Variants in CEP128 observed in about 807,000 individuals in gnomAD.
The protein encoded by CEP128 is centrosomal protein 128.
In CEP128, 132 loss-of-function variants were observed where a neutral mutation model predicts 156.7. The ratio of observed to expected loss-of-function variants is 0.84; its 90% CI spans 0.73 to 0.97. CEP128 has a LOEUF of 0.97. CEP128 is among the 50% of genes least tolerant of loss of function. CEP128 has a pLI of 0.00. For synonymous variants in CEP128, 469 were observed against 448.9 expected (o/e 1.04, Z -0.57); for missense variants, 1,252 against 1,281.9 (o/e 0.98, Z 0.36).
intron 19 of CEP128, among the ~76,000 whole-genome samples, chr14:80,712,705 C>G (rs958981399): frequency 3.9e-5 from 6 of 152,166 alleles, no homozygotes; most frequent in Admixed American, 3.3e-4. Context: ...AGCACTCTGG[C>G]AGCCTCATCA....
chr14:80,689,967 G>C (rs1896661433), intron 19 of CEP128, among the ~76,000 whole-genome samples: 1 of 152,066 alleles, frequency 6.6e-6, no homozygotes, highest in African/African-American at 2.4e-5. Flanking sequence ...CAGTAAATAA[G>C]TAGATCTGTG....
chr14:80,730,773 A>G (rs1348668850), intron 19 of CEP128, among the ~76,000 whole-genome samples: 3 of 152,210 alleles, frequency 2.0e-5, no homozygotes, highest in African/African-American at 7.2e-5. Context: ...GACTGGTTAG[A>G]AAGTAGTTAT....
upstream of CEP128, among the ~76,000 whole-genome samples, chr14:80,945,034 T>TA (rs1431091072): frequency 6.6e-6 from 1 of 152,102 alleles, no homozygotes; most frequent in Non-Finnish European, 1.5e-5. Flanking sequence ...CATGATGTAT[T>TA]AGTTTACTAG....
At chr14:80,557,476 T>C (rs920558881) in intron 21 of CEP128, among the ~76,000 whole-genome samples, 3 of 152,220 alleles carry the variant, frequency 2.0e-5, no homozygotes, top group Non-Finnish European at 2.9e-5. Context: ...ATCCAGGTCT[T>C]CAAACTCAAA....
At chr14:80,783,822 T>C (rs917859991) in intron 15 of CEP128, among the ~76,000 whole-genome samples, 6 of 152,274 alleles carry the variant, frequency 3.9e-5, no homozygotes, top group African/African-American at 1.4e-4. Context: ...ACAGCAATGA[T>C]GCATCTTATA....
chr14:80,567,310 G>A (rs1369719595), intron 20 of CEP128, among the ~76,000 whole-genome samples: 3 of 152,106 alleles, frequency 2.0e-5, no homozygotes, highest in South Asian at 4.1e-4. Context: ...GTATGTGTAC[G>A]GGTTTGTGGG....
At position 80,924,528 on chromosome 14, in the gene CEP128, CA is replaced by C. The variant is rs1885043622; in HGVS notation, c.-15-7967del. Among the ~76,000 whole-genome samples, 5 of 152,210 alleles carry C rather than the reference CA, an allele frequency of 3.3e-5. No homozygotes were observed. In the South Asian group the frequency reaches 1.0e-3, roughly 32 times the overall value. ...ATAAACGGTGAGCTAAGTAATACAA[CA>C]AAATCCTTGGGGAGTCAGGTTAGGA... On this transcript the variant is annotated intron_variant, in intron 2 of 24. Coordinates refer to ENST00000555265, the MANE Select transcript of CEP128 (RefSeq NM_152446.5).
intron 12 of CEP128, among the ~76,000 whole-genome samples, chr14:80,835,395 C>T (rs1886022718): frequency 2.0e-5 from 3 of 152,132 alleles, no homozygotes; most frequent in Admixed American, 2.0e-4. Context: ...TGTGGAAATT[C>T]TAGCTTAGGC....
chr14:80,632,882 T>C (rs1894020558), intron 19 of CEP128, among the ~76,000 whole-genome samples: 1 of 152,140 alleles, frequency 6.6e-6, no homozygotes, highest in South Asian at 2.1e-4. Context: ...AAATACGCAC[T>C]AAGAATGAGT....
chr14:80,956,139 A>C (rs1349128841), intron 2 of CEP128, among the ~76,000 whole-genome samples: 1 of 152,264 alleles, frequency 6.6e-6, no homozygotes, highest in East Asian at 1.9e-4. Context: ...GCTATTCAGC[A>C]CTTTGCCTAA....
chr14:80,881,171 C>T (rs954640961), intron 8 of CEP128, among the ~76,000 whole-genome samples: 1 of 151,464 alleles, frequency 6.6e-6, no homozygotes, highest in East Asian at 1.9e-4. Flanking sequence ...AATTGACAAA[C>T]CTTTAGTCAA....
upstream of CEP128, among the ~76,000 whole-genome samples, chr14:80,945,003 G>C (rs11623416): frequency 0.56 from 84,206 of 151,662 alleles, 23,912 homozygotes; most frequent in East Asian, 0.69. Context: ...ATGTATTACA[G>C]ATAGGGGCAC....
intron 9 of CEP128, among the ~76,000 whole-genome samples, chr14:80,848,850 AGGT>A (rs1226847844): frequency 6.6e-6 from 1 of 151,892 alleles, no homozygotes; most frequent in African/African-American, 2.4e-5. Flanking sequence ...TGAACCCAGG[AGGT>A]GGTGGCTGCA....
At chr14:80,933,533 A>T (rs1265719666) in intron 2 of CEP128, among the ~76,000 whole-genome samples, 1 of 152,212 alleles carries the variant, frequency 6.6e-6, no homozygotes, top group Non-Finnish European at 1.5e-5. Flanking sequence ...AAAAGCACAG[A>T]CAATTATAAA....
intron 19 of CEP128, among the ~76,000 whole-genome samples, chr14:80,603,298 C>T (rs910987166): frequency 2.6e-5 from 4 of 152,114 alleles, no homozygotes; most frequent in Admixed American, 2.6e-4. Flanking sequence ...TCAGAACAGG[C>T]AAATCCATAG....
chr14:80,955,304 C>T (rs1594883304), intron 2 of CEP128: 1 of 351,964 alleles, frequency 2.8e-6, no homozygotes, highest in East Asian at 6.2e-5. Flanking sequence ...AAGGAGGGGG[C>T]ATCTAAACTA....
intron 19 of CEP128, among the ~76,000 whole-genome samples, chr14:80,648,811 T>C (rs1354866021): frequency 1.3e-5 from 2 of 152,116 alleles, no homozygotes; most frequent in Non-Finnish European, 2.9e-5. Context: ...ATGGACACTA[T>C]ACTGCTTGCC....
chr14:80,527,094 C>A, intron 22 of CEP128, 112 bp from the exon 23 acceptor site: 1 of 594,888 alleles, frequency 1.7e-6, no homozygotes, highest in South Asian at 2.2e-5. Context: ...TAAATAATTA[C>A]AAAAATTTAG....
downstream of CEP128, among the ~76,000 whole-genome samples, chr14:80,487,909 C>A (rs2140154784): frequency 6.6e-6 from 1 of 151,678 alleles, no homozygotes; most frequent in East Asian, 2.0e-4. Context: ...CAGTAAATGC[C>A]CACAAGAGAA....
Sources: allele counts gnomAD v4.1 joint callset (sites outside exome capture counted in the v4.1 genomes callset), GRCh38; gene constraint gnomAD v4.1.1; transcripts MANE v1.5; gene names NCBI Gene and HGNC (gene_info 2026-07-23, HGNC 2026-07-21).